Variants in GINS1 observed in about 807,000 individuals in gnomAD.
GINS1 encodes the protein DNA replication complex GINS protein PSF1.
Under a neutral mutation model 34.9 loss-of-function variants are expected in GINS1, and 26 were observed. The ratio of observed to expected loss-of-function variants is 0.74; its 90% CI spans 0.55 to 1.03. GINS1 has a LOEUF of 1.03. Among genes scored for constraint, GINS1 ranks in the 50% least tolerant of loss-of-function variants. The pLI, the probability that GINS1 is intolerant of heterozygous loss-of-function variation, is 0.00. For missense variants in GINS1, 235 were observed against 237.9 expected (o/e 0.99, Z 0.08); for synonymous variants, 97 against 84.4 (o/e 1.15, Z -0.82).
intron 5 of GINS1, among the ~76,000 whole-genome samples, chr20:25,432,469 A>G (rs1435292216): frequency 6.6e-6 from 1 of 150,978 alleles, no homozygotes; most frequent in Middle Eastern, 3.2e-3. Flanking sequence ...CGCCCGGCTA[A>G]TTTTCTTCTT....
intron 4 of GINS1, among the ~76,000 whole-genome samples, chr20:25,422,490 C>G (rs1359785055): frequency 6.6e-6 from 1 of 151,706 alleles, no homozygotes; most frequent in Non-Finnish European, 1.5e-5. Flanking sequence ...ACTCAGAAGG[C>G]TGAGGTGGGA....
chr20:25,418,739 T>C (rs1439764450), intron 4 of GINS1, among the ~76,000 whole-genome samples: 1 of 152,236 alleles, frequency 6.6e-6, no homozygotes, highest in Non-Finnish European at 1.5e-5. Flanking sequence ...CCTGCAGTTA[T>C]TGTCAACTAA....
In GINS1 at chr20:25,446,010, C is replaced by G. The variant is rs765757752; in HGVS notation, c.*19C>G. The G allele has an allele frequency of 6.7e-7, 1 of 1,499,642 alleles. No individual in the cohort carries two copies. The highest frequency in any genetic ancestry group is 1.7e-5 in the Admixed American group (1 of 58,450). The allele number at this position is 1,499,642 out of a possible 1,614,324, so 92.9% of individuals were successfully genotyped here. On this transcript the variant is annotated 3_prime_UTR_variant, in exon 7 of 7. Transcript: ENST00000262460. ...GTCATGACCATGCGCCGAGGCACTT[C>G]CAGGCTTCACTCAACTCATGGACTC...
At chr20:25,432,489 C>T (rs1175644394) in intron 5 of GINS1, among the ~76,000 whole-genome samples, 1 of 151,610 alleles carries the variant, frequency 6.6e-6, no homozygotes, top group African/African-American at 2.4e-5. Context: ...TTTTTTTAGA[C>T]AGAGTCTTGC....
intron 1 of GINS1, among the ~76,000 whole-genome samples, chr20:25,412,002 A>G (rs1171303526): frequency 2.0e-5 from 3 of 151,720 alleles, no homozygotes; most frequent in Admixed American, 1.3e-4. Context: ...CAGCTACTCG[A>G]GAGGCTGAGG....
chr20:25,445,486 A>G (rs1416910873), intron 6 of GINS1, among the ~76,000 whole-genome samples: 2 of 151,992 alleles, frequency 1.3e-5, no homozygotes, highest in Non-Finnish European at 2.9e-5. Flanking sequence ...AGCTGGGACT[A>G]CAGGTGCCCG....
intron 5 of GINS1, among the ~76,000 whole-genome samples, chr20:25,434,219 A>G (rs906570341): frequency 2.0e-5 from 3 of 151,850 alleles, no homozygotes; most frequent in African/African-American, 7.3e-5. Context: ...GGAGGTGGGG[A>G]TTGCAGTGAA....
Position 25,413,778 on chromosome 20 carries a change from T to TA in GINS1, c.76-11dup. ...AAATCAGTGGATTTCAATATCGGTT[T>TA]ATATGTTCTAGGAGGATGGACTCAG... On this transcript the variant is annotated splice_polypyrimidine_tract_variant and intron_variant, in intron 1 of 6. Coordinates refer to ENST00000262460, the MANE Select transcript of GINS1 (RefSeq NM_021067.5). 1 of 1,518,038 alleles carries TA rather than the reference T, an allele frequency of 6.6e-7. No individual in the cohort carries two copies. Among genetic ancestry groups the TA allele is most frequent in the Non-Finnish European group, 9.2e-7 (1 of 1,092,276 alleles). The allele number at this position is 1,518,038 out of a possible 1,614,324, so 94.0% of individuals were successfully genotyped here.
intron 5 of GINS1, among the ~76,000 whole-genome samples, chr20:25,435,841 C>A (rs367630451): frequency 7.9e-6 from 1 of 127,086 alleles, no homozygotes; most frequent in African/African-American, 2.9e-5. Context: ...GAGACGGAGT[C>A]TCACACTGTC....
At chr20:25,437,980 G>A (rs745766077) in intron 5 of GINS1, among the ~76,000 whole-genome samples, 35 of 152,078 alleles carry the variant, frequency 2.3e-4, no homozygotes, top group Admixed American at 6.6e-4. Context: ...TTAGCCAGGC[G>A]TGGTGGCGGG....
chr20:25,412,148 T>G (rs539028027), intron 1 of GINS1, among the ~76,000 whole-genome samples: 12 of 152,248 alleles, frequency 7.9e-5, no homozygotes, highest in Middle Eastern at 3.4e-3. Context: ...GTTTTATTTT[T>G]CCAAGGGAAA....
chr20:25,410,959 CT>C (rs1281251849), intron 1 of GINS1, among the ~76,000 whole-genome samples: 3 of 152,044 alleles, frequency 2.0e-5, no homozygotes, highest in African/African-American at 4.8e-5. Flanking sequence ...AGAATTGATA[CT>C]TTTTTTAAAA....
chr20:25,430,282 T>C (rs2090419762), intron 5 of GINS1, among the ~76,000 whole-genome samples: 1 of 152,246 alleles, frequency 6.6e-6, no homozygotes, highest in African/African-American at 2.4e-5. Context: ...ATTATGTTGA[T>C]GTATAGTTAT....
Position 25,445,997 on chromosome 20 carries a change from C to A in GINS1, c.*6C>A. 1.3e-6 allele frequency: 2 copies of A among 1,576,496 alleles called. No individual in the cohort carries two copies. The highest frequency in any genetic ancestry group is 1.7e-6 in the Non-Finnish European group (2 of 1,147,698). On this transcript the variant is annotated 3_prime_UTR_variant, in exon 7 of 7. Transcript: ENST00000262460. ...TGGAGCACATCCTGTCATGACCATGCGCCGAGGCACTTCCAGGCTTCACTC... is the reference window on the plus strand; with the variant it reads ...TGGAGCACATCCTGTCATGACCATGAGCCGAGGCACTTCCAGGCTTCACTC...
At position 25,441,748 on chromosome 20, in the gene GINS1, C is replaced by T. The variant is rs758590981; in HGVS notation, c.494C>T (p.Thr165Ile). The change falls in exon 6 of 7, where the codon ACT becomes ATT. Residue 165 changes from threonine (T) to isoleucine (I), a missense_variant. Thr to Ile is a moderately conservative substitution (Grantham distance 89). Coordinates refer to ENST00000262460, the MANE Select transcript of GINS1 (RefSeq NM_021067.5). ...DYGEFEVDDG[T>I]SVLLKKNSQH... ...GGAGAATTTGAAGTTGATGATGGCA[C>T]TTCAGTCCTATTAAAAAAAAATAGC... is the stretch of plus-strand genomic sequence containing the variant. The T allele has an allele frequency of 2.6e-6, 4 of 1,561,500 alleles. No homozygotes were observed. Among genetic ancestry groups the T allele is most frequent in the Admixed American group, 3.6e-5 (2 of 55,890 alleles).
chr20:25,412,338 G>A (rs6050595), intron 1 of GINS1, among the ~76,000 whole-genome samples: 82,023 of 151,666 alleles, frequency 0.54, 22,750 homozygotes, highest in Admixed American at 0.61. Context: ...TGGATCACCC[G>A]AGGTCAGGAG....
intron 1 of GINS1, among the ~76,000 whole-genome samples, chr20:25,408,516 C>T (rs185052793): frequency 2.6e-5 from 4 of 152,076 alleles, no homozygotes; most frequent in Admixed American, 1.3e-4. Flanking sequence ...ACTGCTACCC[C>T]AGGGAGAGTG....
chr20:25,436,013 G>A (rs1403861372), intron 5 of GINS1, among the ~76,000 whole-genome samples: 5 of 149,628 alleles, frequency 3.3e-5, no homozygotes, highest in African/African-American at 4.9e-5. Flanking sequence ...TAGTAGAGAC[G>A]GGGTTTCACC....
chr20:25,445,789 G>A, intron 6 of GINS1, 134 bp from the exon 7 acceptor site: 1 of 626,458 alleles, frequency 1.6e-6, no homozygotes. Flanking sequence ...AGCCCCTTAA[G>A]TTTAACTTTC....
Sources: gnomAD v4.1 joint callset for allele counts (sites outside exome capture counted in the v4.1 genomes callset) on GRCh38, gnomAD v4.1.1 for gene constraint, MANE v1.5 for transcripts, NCBI Gene and HGNC (gene_info 2026-07-23, HGNC 2026-07-21) for gene names.